ABI1: variants seen among roughly 807,000 people sequenced by gnomAD.
The protein encoded by ABI1 is abl interactor 1.
A neutral mutation model predicts 54.6 loss-of-function variants in ABI1; 14 were observed. The ratio of observed to expected loss-of-function variants is 0.26; its 90% confidence interval spans 0.17 to 0.40. The LOEUF is 0.40. ABI1 is among the 10% of genes least tolerant of loss of function. The probability of loss-of-function intolerance (pLI) is 1.00; values close to 1 mark genes in which losing one functional copy is unlikely to be tolerated. For missense variants in ABI1, 443 were observed against 598.3 expected, an observed-to-expected ratio of 0.74 and a Z score of 2.71; for synonymous variants, 194 against 209.3, an observed-to-expected ratio of 0.93 and a Z score of 0.63.
intron 1 of ABI1, among the ~76,000 whole-genome samples, chr10:26,834,438 G>A (rs2048893268): frequency 6.6e-6 from 1 of 151,698 alleles, no homozygotes; most frequent in Non-Finnish European, 1.5e-5. Context: ...TCTGACACAG[G>A]ACCAACAACC....
intron 9 of ABI1, among the ~76,000 whole-genome samples, chr10:26,755,179 AC>A (rs753030643): frequency 2.6e-5 from 4 of 152,204 alleles, no homozygotes; most frequent in Non-Finnish European, 5.9e-5. Flanking sequence ...TCATGTATGT[AC>A]AAAAATCTGA....
chr10:26,764,762 T>C (rs2132636416), intron 7 of ABI1, among the ~76,000 whole-genome samples: 1 of 152,332 alleles, frequency 6.6e-6, no homozygotes, highest in South Asian at 2.1e-4. Context: ...AGTATAACTA[T>C]TTAAGTAGCA....
chr10:26,794,404 G>A (rs967372048), intron 2 of ABI1, among the ~76,000 whole-genome samples: 7 of 151,846 alleles, frequency 4.6e-5, no homozygotes, highest in Admixed American at 6.6e-5. Flanking sequence ...ACAAGACCAT[G>A]TCTCAATAAA....
chr10:26,847,578 C>T (rs987231789), intron 1 of ABI1, among the ~76,000 whole-genome samples: 4 of 151,606 alleles, frequency 2.6e-5, no homozygotes, highest in South Asian at 4.2e-4. Flanking sequence ...GAGCTGAGAT[C>T]GCACCACTGT....
intron 1 of ABI1, among the ~76,000 whole-genome samples, chr10:26,856,275 GAAA>G (rs199900095): frequency 1.9e-5 from 2 of 105,606 alleles, no homozygotes; most frequent in South Asian, 2.6e-4. Flanking sequence ...TCTGTCTAAA[GAAA>G]AAAAAAAAAA....
chr10:26,854,479 A>G (rs2050659793), intron 1 of ABI1, among the ~76,000 whole-genome samples: 1 of 152,140 alleles, frequency 6.6e-6, no homozygotes, highest in African/African-American at 2.4e-5. Context: ...GAAAAGAAAA[A>G]AAAAGAACTG....
intron 8 of ABI1, 145 bp downstream of exon 8, chr10:26,758,917 C>A: frequency 1.2e-6 from 1 of 809,636 alleles, no homozygotes; most frequent in East Asian, 2.6e-5. Context: ...TGGTATGATT[C>A]AAGGACTAAT....
At chr10:26,821,751 A>T (rs1371496458) in intron 2 of ABI1, among the ~76,000 whole-genome samples, 1 of 151,634 alleles carries the variant, frequency 6.6e-6, no homozygotes, top group Non-Finnish European at 1.5e-5. Context: ...GAGAGCCAAG[A>T]TCACGCCATT....
chr10:26,770,372 T>C (rs1840529012), intron 4 of ABI1, 27 bp from the exon 5 acceptor site: 1 of 1,575,324 alleles, frequency 6.3e-7, no homozygotes, highest in African/African-American at 1.3e-5. Flanking sequence ...AATGCTTTTA[T>C]TTTTATATCA....
intron 1 of ABI1, among the ~76,000 whole-genome samples, chr10:26,837,969 A>T (rs1240329070): frequency 6.6e-6 from 1 of 151,786 alleles, no homozygotes; most frequent in Non-Finnish European, 1.5e-5. Context: ...GGTTTCACAG[A>T]TGAAGGCACT....
chr10:26,812,470 T>C (rs775418344), intron 2 of ABI1, among the ~76,000 whole-genome samples: 10 of 152,200 alleles, frequency 6.6e-5, no homozygotes, highest in Non-Finnish European at 1.0e-4. Flanking sequence ...TCAATCTACA[T>C]TATATCTTTC....
At chr10:26,814,738 G>A (rs1480184295) in intron 2 of ABI1, among the ~76,000 whole-genome samples, 1 of 152,026 alleles carries the variant, frequency 6.6e-6, no homozygotes, top group Non-Finnish European at 1.5e-5. Context: ...CAGGAAAAAT[G>A]GGGGATAAAA....
At chr10:26,811,317 A>G (rs1212194337) in intron 2 of ABI1, among the ~76,000 whole-genome samples, 2 of 152,214 alleles carry the variant, frequency 1.3e-5, no homozygotes, top group Non-Finnish European at 2.9e-5. Flanking sequence ...GCATGTATTT[A>G]CATTCAGAGA....
chr10:26,765,345 A>C (rs753027965), intron 6 of ABI1, 27 bp from the exon 7 acceptor site: 1 of 1,510,252 alleles, frequency 6.6e-7, no homozygotes, highest in Non-Finnish European at 9.0e-7. Flanking sequence ...AAACTGTGAA[A>C]AACCAATTCT....
At chr10:26,804,358 G>C (rs1417877744) in intron 2 of ABI1, among the ~76,000 whole-genome samples, 1 of 151,762 alleles carries the variant, frequency 6.6e-6, no homozygotes, top group Non-Finnish European at 1.5e-5. Context: ...ACTCCAGCCT[G>C]GGTGACAGAG....
chr10:26,823,479 T>C (rs1442043812), intron 1 of ABI1, among the ~76,000 whole-genome samples, 174 bp from the exon 2 acceptor site: 1 of 152,176 alleles, frequency 6.6e-6, no homozygotes, highest in African/African-American at 2.4e-5. Flanking sequence ...CAGAAATCCC[T>C]ATGTGCCAGC....
chr10:26,841,804 T>C (rs1189115478), intron 1 of ABI1, among the ~76,000 whole-genome samples: 1 of 152,240 alleles, frequency 6.6e-6, no homozygotes, highest in African/African-American at 2.4e-5. Flanking sequence ...CCATTATATA[T>C]GCATATCACA....
At chr10:26,755,564 A>G (rs1449440879) in intron 9 of ABI1, 91 bp downstream of exon 9, 5 of 999,550 alleles carry the variant, frequency 5.0e-6, no homozygotes, top group Non-Finnish European at 3.1e-6. Context: ...GCTTCTCAAT[A>G]AAAGTAAGGA....
intron 2 of ABI1, among the ~76,000 whole-genome samples, chr10:26,800,116 GCT>G (rs1320699438): frequency 6.6e-6 from 1 of 152,134 alleles, no homozygotes; most frequent in Non-Finnish European, 1.5e-5. Flanking sequence ...GGGCGCAGTG[GCT>G]CAAGCCTGTA....
Sources: allele counts gnomAD v4.1 joint callset (sites outside exome capture counted in the v4.1 genomes callset), GRCh38; gene constraint gnomAD v4.1.1; transcripts MANE v1.5; gene names NCBI Gene and HGNC (gene_info 2026-07-23, HGNC 2026-07-21).